CNTN4: variants seen among roughly 807,000 people sequenced by gnomAD.
CNTN4 encodes contactin 4.
In CNTN4, 77 loss-of-function variants were observed where a neutral mutation model predicts 122.5. The observed-to-expected ratio is 0.63, with a 90% CI of 0.52 to 0.76. The LOEUF (loss-of-function observed/expected upper bound fraction) is 0.76. Among genes scored for constraint, CNTN4 ranks in the 30% least tolerant of loss-of-function variants. The pLI is 0.00. For synonymous variants in CNTN4, 512 were observed against 447.0 expected (o/e 1.15, Z -1.83); for missense variants, 1,256 against 1,259.1 (o/e 1.00, Z 0.04).
intron 3 of CNTN4, among the ~76,000 whole-genome samples, chr3:2,379,479 A>G (rs2045939712): frequency 2.0e-5 from 3 of 152,316 alleles, no homozygotes; most frequent in South Asian, 2.1e-4. Context: ...ATCCTAATGT[A>G]AAAGATGAAG....
chr3:2,204,947 CAT>C (rs553695574), intron 2 of CNTN4, among the ~76,000 whole-genome samples: 1 of 151,992 alleles, frequency 6.6e-6, no homozygotes, highest in East Asian at 1.9e-4. Flanking sequence ...TACTTTGAAA[CAT>C]ATTTATTTAA....
intron 2 of CNTN4, among the ~76,000 whole-genome samples, chr3:2,124,433 AACACAC>A (rs60760373): frequency 0.038 from 4,659 of 123,862 alleles, 98 homozygotes; most frequent in Middle Eastern, 0.1. Flanking sequence ...ATTTATTTAA[AACACAC>A]ACACACACAC....
At chr3:2,425,195 T>C (rs1341016086) in intron 3 of CNTN4, among the ~76,000 whole-genome samples, 1 of 152,212 alleles carries the variant, frequency 6.6e-6, no homozygotes, top group African/African-American at 2.4e-5. Flanking sequence ...AGGGTTCTTA[T>C]GGTTTTAGAT....
At chr3:2,358,370 A>G (rs2044966174) in intron 3 of CNTN4, among the ~76,000 whole-genome samples, 1 of 152,224 alleles carries the variant, frequency 6.6e-6, no homozygotes, top group African/African-American at 2.4e-5. Context: ...AGTGCTTGGC[A>G]TAGGAAGCAC....
chr3:2,863,953 C>T lies in CNTN4; in HGVS notation c.455-2799C>T, dbSNP rs182461175. Among the ~76,000 whole-genome samples, 46 of 152,294 alleles carry T rather than the reference C, an allele frequency of 3.0e-4. No homozygotes were observed. The East Asian group carries it at 3.1e-3, about 10-fold the overall frequency. ...TAGGAAATGCTGCAGGAGGCACTTC[C>T]GGTTGTTTGCATCTCTCACTAAGTT... On this transcript the variant is annotated intron_variant, in intron 7 of 24. Coordinates refer to ENST00000418658, the MANE Select transcript of CNTN4 (RefSeq NM_175607.3).
chr3:2,996,285 G>T (rs1418099276), intron 14 of CNTN4, among the ~76,000 whole-genome samples: 1 of 152,074 alleles, frequency 6.6e-6, no homozygotes, highest in African/African-American at 2.4e-5. Flanking sequence ...AATTTTTGTT[G>T]TAGTTTTATA....
At chr3:2,463,433 T>C (rs1168850104) in intron 3 of CNTN4, among the ~76,000 whole-genome samples, 2 of 152,236 alleles carry the variant, frequency 1.3e-5, no homozygotes, top group African/African-American at 4.8e-5. Context: ...AGGAACACTT[T>C]ATATAAAAAT....
intron 3 of CNTN4, among the ~76,000 whole-genome samples, chr3:2,431,022 GA>G (rs896030012): frequency 1.5e-4 from 22 of 150,734 alleles, no homozygotes; most frequent in Non-Finnish European, 2.7e-4. Flanking sequence ...TACACTTCAA[GA>G]AAAAAAAATA....
At chr3:2,338,154 A>C (rs1326288916) in intron 2 of CNTN4, among the ~76,000 whole-genome samples, 1 of 152,066 alleles carries the variant, frequency 6.6e-6, no homozygotes, top group African/African-American at 2.4e-5. Flanking sequence ...AAGGTCAGGG[A>C]TTATTTTACA....
At position 2,524,024 on chromosome 3, in the gene CNTN4, C is replaced by T. The variant is rs138891793; in HGVS notation, c.-88-47392C>T. ...TATAATTCTTATGTCATACAACTAA[C>T]ACATTTAAATTGTACAATTCAGTGT... On this transcript the variant is annotated intron_variant, in intron 3 of 24. Transcript: ENST00000418658. 5.9e-5 allele frequency among the ~76,000 whole-genome samples: 9 copies of T among 152,174 alleles called. No homozygotes were observed. In the East Asian group the frequency reaches 1.5e-3, roughly 26 times the overall value.
intron 3 of CNTN4, among the ~76,000 whole-genome samples, chr3:2,469,969 G>A (rs116324332): frequency 6.6e-6 from 1 of 152,042 alleles, no homozygotes; most frequent in Non-Finnish European, 1.5e-5. Context: ...TAAAGAAATG[G>A]TTTTTTACAT....
At chr3:2,778,753 A>G (rs2091449415) in intron 6 of CNTN4, among the ~76,000 whole-genome samples, 1 of 152,220 alleles carries the variant, frequency 6.6e-6, no homozygotes, top group African/African-American at 2.4e-5. Context: ...AGAGGGGAAG[A>G]AAACAACACA....
intron 9 of CNTN4, among the ~76,000 whole-genome samples, chr3:2,884,421 G>GTA (rs1441038738): frequency 1.3e-5 from 2 of 151,912 alleles, no homozygotes; most frequent in African/African-American, 4.8e-5. Flanking sequence ...CTTTACTTTG[G>GTA]TACAGTACAA....
chr3:2,653,624 A>G (rs189852515), intron 4 of CNTN4, among the ~76,000 whole-genome samples: 20 of 152,186 alleles, frequency 1.3e-4, no homozygotes, highest in African/African-American at 4.3e-4. Context: ...TCTTTCTCCT[A>G]TTTTCTCTCT....
chr3:2,810,578 A>G (rs948112211), intron 6 of CNTN4, among the ~76,000 whole-genome samples: 1 of 152,180 alleles, frequency 6.6e-6, no homozygotes, highest in African/African-American at 2.4e-5. Context: ...TTAAGTCATT[A>G]TCCTTCTTGA....
At chr3:2,574,708 A>G (rs1257783504) in intron 4 of CNTN4, among the ~76,000 whole-genome samples, 11 of 152,164 alleles carry the variant, frequency 7.2e-5, no homozygotes. Flanking sequence ...CAAATGAGTA[A>G]AATGTTCTTA....
intron 3 of CNTN4, among the ~76,000 whole-genome samples, chr3:2,339,528 T>TATACACTTTC (rs2044099754): frequency 1.3e-5 from 2 of 152,188 alleles, no homozygotes; most frequent in African/African-American, 4.8e-5. Flanking sequence ...TCATAGAAAG[T>TATACACTTTC]GTATATTGGG....
At chr3:2,970,918 G>C (rs1017596863) in intron 13 of CNTN4, among the ~76,000 whole-genome samples, 42 of 152,064 alleles carry the variant, frequency 2.8e-4, no homozygotes, top group African/African-American at 9.7e-4. Flanking sequence ...CCCCCGAGTA[G>C]CTGAGATTAC....
At chr3:2,687,797 C>T (rs976878598) in intron 4 of CNTN4, among the ~76,000 whole-genome samples, 2 of 152,102 alleles carry the variant, frequency 1.3e-5, no homozygotes, top group African/African-American at 4.8e-5. Context: ...GAGATGAAAG[C>T]CATCTAATGT....
Sources: allele counts gnomAD v4.1 joint callset (sites outside exome capture counted in the v4.1 genomes callset), GRCh38; gene constraint gnomAD v4.1.1; transcripts MANE v1.5; gene names NCBI Gene and HGNC (gene_info 2026-07-23, HGNC 2026-07-21).